CAMKMT: variants seen among roughly 807,000 people sequenced by gnomAD.
The protein encoded by CAMKMT is calmodulin-lysine N-methyltransferase, also known as CaM KMT.
CAMKMT carries 53 observed loss-of-function variants against 48.0 expected under a neutral mutation model. The ratio of observed to expected loss-of-function variants is 1.10; its 90% CI spans 0.89 to 1.39. The LOEUF is 1.39. Among genes scored for constraint, CAMKMT ranks in the 40% most tolerant of loss-of-function variants. The pLI, the probability that CAMKMT is intolerant of heterozygous loss-of-function variation, is 0.00. For missense variants in CAMKMT, 428 were observed against 402.7 expected, an observed-to-expected ratio of 1.06 and a Z score of -0.54; for synonymous variants, 165 against 152.3, an observed-to-expected ratio of 1.08 and a Z score of -0.61.
chr2:44,692,946 C>A (rs559811397), intron 3 of CAMKMT, among the ~76,000 whole-genome samples: 2 of 152,192 alleles, frequency 1.3e-5, no homozygotes, highest in Non-Finnish European at 2.9e-5. Context: ...ATCCTATATG[C>A]GTCTGCTGTA....
chr2:44,759,623 A>G (rs1185343182), intron 9 of CAMKMT, among the ~76,000 whole-genome samples: 1 of 152,138 alleles, frequency 6.6e-6, no homozygotes, highest in Non-Finnish European at 1.5e-5. Flanking sequence ...ACTCCTCACC[A>G]GTGCTTGGTG....
chr2:44,550,322 T>TG (rs1667637436), intron 3 of CAMKMT, among the ~76,000 whole-genome samples: 2 of 151,562 alleles, frequency 1.3e-5, no homozygotes, highest in Non-Finnish European at 2.9e-5. Context: ...CCTGAGAGGT[T>TG]GAGGATTCAG....
chr2:44,427,193 G>A (rs1481391790), intron 3 of CAMKMT, among the ~76,000 whole-genome samples: 2 of 152,006 alleles, frequency 1.3e-5, no homozygotes, highest in Middle Eastern at 3.2e-3. Flanking sequence ...ATAAGATCTC[G>A]AACCATAAAA....
intron 3 of CAMKMT, among the ~76,000 whole-genome samples, chr2:44,572,153 C>T (rs1395621248): frequency 6.6e-6 from 1 of 152,282 alleles, no homozygotes; most frequent in East Asian, 1.9e-4. Flanking sequence ...ACAATCTCCC[C>T]TTCTCCCAGT....
chr2:44,510,959 G>A (rs1355321354), intron 3 of CAMKMT, among the ~76,000 whole-genome samples: 1 of 152,022 alleles, frequency 6.6e-6, no homozygotes, highest in Non-Finnish European at 1.5e-5. Context: ...TCCTGCCTCA[G>A]CCTCCCAAGT....
At chr2:44,695,399 C>G (rs1573097799) in intron 3 of CAMKMT, among the ~76,000 whole-genome samples, 1 of 152,298 alleles carries the variant, frequency 6.6e-6, no homozygotes, top group South Asian at 2.1e-4. Context: ...GAATTTCTCT[C>G]TAGTCTATGA....
At chr2:44,579,858 T>C (rs1167901014) in intron 3 of CAMKMT, among the ~76,000 whole-genome samples, 1 of 151,688 alleles carries the variant, frequency 6.6e-6, no homozygotes, top group Non-Finnish European at 1.5e-5. Context: ...AAGTCAGACA[T>C]ACCCTTGTAT....
chr2:44,396,685 G>T (rs948959342), intron 3 of CAMKMT, among the ~76,000 whole-genome samples: 11 of 150,708 alleles, frequency 7.3e-5, no homozygotes, highest in Non-Finnish European at 1.5e-4. Flanking sequence ...GAGGCAGTCT[G>T]ATTATATCTT....
chr2:44,516,563 A>G (rs1670842487), intron 3 of CAMKMT, among the ~76,000 whole-genome samples: 1 of 152,146 alleles, frequency 6.6e-6, no homozygotes, highest in Non-Finnish European at 1.5e-5. Flanking sequence ...TGGGATAGCT[A>G]TAAAGAGATA....
intron 3 of CAMKMT, among the ~76,000 whole-genome samples, chr2:44,510,270 G>A (rs1219800945): frequency 1.3e-5 from 2 of 151,826 alleles, no homozygotes; most frequent in East Asian, 1.9e-4. Context: ...TGTCTTTCAC[G>A]GCCTTGATAC....
chr2:44,554,153 TGG>T (rs1357232580), intron 3 of CAMKMT, among the ~76,000 whole-genome samples: 1 of 152,238 alleles, frequency 6.6e-6, no homozygotes, highest in Non-Finnish European at 1.5e-5. Flanking sequence ...TCGGAGTTCC[TGG>T]GGTAAGAATT....
At chr2:44,730,807 A>G (rs1429533322) in intron 7 of CAMKMT, among the ~76,000 whole-genome samples, 2 of 152,242 alleles carry the variant, frequency 1.3e-5, no homozygotes, top group Non-Finnish European at 2.9e-5. Flanking sequence ...CCTCTACAAG[A>G]GTGAGCTGTG....
At chr2:44,498,481 T>C (rs1193903287) in intron 3 of CAMKMT, among the ~76,000 whole-genome samples, 1 of 152,210 alleles carries the variant, frequency 6.6e-6, no homozygotes, top group Non-Finnish European at 1.5e-5. Context: ...AAGATGTATG[T>C]AGCTAAATAT....
chr2:44,545,437 A>G (rs778674428), intron 3 of CAMKMT, among the ~76,000 whole-genome samples: 2 of 152,240 alleles, frequency 1.3e-5, no homozygotes, highest in Admixed American at 1.3e-4. Flanking sequence ...CATCAAAATG[A>G]GTCATAATAC....
chr2:44,550,249 A>C (rs1371766395), intron 3 of CAMKMT, among the ~76,000 whole-genome samples: 1 of 152,088 alleles, frequency 6.6e-6, no homozygotes, highest in African/African-American at 2.4e-5. Flanking sequence ...ATCATTAAAA[A>C]AATTAGGCAG....
chr2:44,400,997 AT>A (rs1323662215), intron 3 of CAMKMT: 1 of 144,162 alleles, frequency 6.9e-6, no homozygotes, highest in Non-Finnish European at 1.5e-5. Context: ...CTTGTTCTTC[AT>A]TTGGTTCTTG....
chr2:44,541,443 T>C (rs1425685897), intron 3 of CAMKMT, among the ~76,000 whole-genome samples: 1 of 152,188 alleles, frequency 6.6e-6, no homozygotes, highest in Admixed American at 6.5e-5. Flanking sequence ...TATTTTATTA[T>C]CTTTGTTGCT....
chr2:44,459,509 A>G (rs1667743760), intron 3 of CAMKMT, among the ~76,000 whole-genome samples: 2 of 152,244 alleles, frequency 1.3e-5, no homozygotes, highest in South Asian at 4.1e-4. Context: ...TAAAAGAGAA[A>G]GGTATTTAAG....
chr2:44,678,421 A>G (rs1675838843), intron 3 of CAMKMT, among the ~76,000 whole-genome samples: 1 of 152,224 alleles, frequency 6.6e-6, no homozygotes, highest in African/African-American at 2.4e-5. Context: ...CTGCTTACTC[A>G]TCAGTGAACA....
Sources: gnomAD v4.1 joint callset for allele counts (sites outside exome capture counted in the v4.1 genomes callset) on GRCh38, gnomAD v4.1.1 for gene constraint, MANE v1.5 for transcripts, NCBI Gene and HGNC (gene_info 2026-07-23, HGNC 2026-07-21) for gene names.